The following MIPEP variants were observed in gnomAD, a reference collection of about 807,000 sequenced individuals.
MIPEP encodes mitochondrial intermediate peptidase.
A neutral mutation model predicts 90.3 loss-of-function variants in MIPEP; 79 were observed. That is an observed-to-expected ratio of 0.87 (90% CI 0.73 to 1.05). The LOEUF (loss-of-function observed/expected upper bound fraction) is 1.05, where lower values mean the gene tolerates loss of function less well. MIPEP is among the 50% of genes least tolerant of loss of function. MIPEP has a pLI of 0.00. For missense variants in MIPEP, 940 were observed against 905.6 expected (o/e 1.04, Z -0.49); for synonymous variants, 334 against 315.8 (o/e 1.06, Z -0.61).
chr13:23,864,753 G>A (rs67767475), intron 7 of MIPEP, among the ~76,000 whole-genome samples: 1,517 of 27,500 alleles, frequency 0.055, 25 homozygotes, highest in East Asian at 0.11. Flanking sequence ...AAAAAAAAAA[G>A]AGTTAATGGG....
rs1281226019 is a variant in MIPEP, at chr13:23,841,348, T to C, written c.1247A>G (p.Asp416Gly). ...GGAGGAGCTCACCAGTTTTCGGACA[T>C]CTTCGCTCCACACCTCTCCTTTTGC... ...QPAKGEVWSE[D>G]VRKLAVVHES... Residue 416 changes from aspartate (D) to glycine (G), a missense_variant, in exon 11 of 19, where the codon GAT becomes GGT. Asp to Gly is a moderately conservative substitution (Grantham distance 94). Transcript: ENST00000382172. The C allele has an allele frequency of 6.2e-7, 1 of 1,611,674 alleles. No homozygotes were observed.
At chr13:23,826,890 C>T (rs1370546812) in intron 14 of MIPEP, among the ~76,000 whole-genome samples, 1 of 152,146 alleles carries the variant, frequency 6.6e-6, no homozygotes, top group Non-Finnish European at 1.5e-5. Context: ...ATTCAATCAA[C>T]CATGAGTCAA....
intron 1 of MIPEP, chr13:23,888,092 G>A (rs1298384761): frequency 7.0e-6 from 3 of 430,650 alleles, no homozygotes; most frequent in Non-Finnish European, 4.6e-6. Context: ...TATCAGTGCC[G>A]AATATCATGA....
chr13:23,881,799 G>A lies in MIPEP; in HGVS notation c.364-12C>T. 1 of 1,605,128 alleles carries A rather than the reference G, an allele frequency of 6.2e-7. No homozygotes were observed. On this transcript the variant is annotated splice_polypyrimidine_tract_variant and intron_variant, in intron 2 of 18. Transcript: ENST00000382172. ...TTCACAAAATCAGCCTAATAAAGGGGAAAGACAAAACCAAAAGGGAATTTG... is the reference window on the plus strand; with the variant it reads ...TTCACAAAATCAGCCTAATAAAGGGAAAAGACAAAACCAAAAGGGAATTTG...
chr13:23,865,407 C>T (rs1162031750), intron 7 of MIPEP, among the ~76,000 whole-genome samples: 1 of 152,186 alleles, frequency 6.6e-6, no homozygotes, highest in African/African-American at 2.4e-5. Flanking sequence ...ACTGTCAATA[C>T]TTAACAAGTC....
intron 16 of MIPEP, among the ~76,000 whole-genome samples, chr13:23,785,172 A>G (rs1225228059): frequency 3.3e-5 from 5 of 152,228 alleles, no homozygotes; most frequent in Admixed American, 6.5e-5. Flanking sequence ...TCATGCTTCT[A>G]TAAAGGCACT....
chr13:23,789,304 A>G (rs1400097244), intron 16 of MIPEP, among the ~76,000 whole-genome samples: 6 of 152,194 alleles, frequency 3.9e-5, no homozygotes, highest in African/African-American at 1.4e-4. Context: ...GATTTCTTCC[A>G]TTTCTATTAC....
intron 14 of MIPEP, among the ~76,000 whole-genome samples, chr13:23,819,037 C>T (rs527963283): frequency 1.1e-4 from 17 of 152,286 alleles, no homozygotes; most frequent in African/African-American, 3.6e-4. Flanking sequence ...CCTTACACTT[C>T]GTGAATATGC....
At chr13:23,737,164 C>T (rs895836021) in intron 18 of MIPEP, among the ~76,000 whole-genome samples, 24 of 152,346 alleles carry the variant, frequency 1.6e-4, no homozygotes, top group African/African-American at 5.1e-4. Context: ...CAAGCAGTCA[C>T]GACTGTGCCC....
chr13:23,798,032 G>C (rs1359982661), intron 16 of MIPEP, among the ~76,000 whole-genome samples: 1 of 152,208 alleles, frequency 6.6e-6, no homozygotes, highest in Non-Finnish European at 1.5e-5. Flanking sequence ...TTTATTTACT[G>C]TTACATCCAT....
intron 10 of MIPEP, among the ~76,000 whole-genome samples, chr13:23,843,119 AG>A (rs1869377837): frequency 1.3e-5 from 2 of 150,402 alleles, no homozygotes; most frequent in Non-Finnish European, 1.5e-5. Flanking sequence ...AAAAAAAAAA[AG>A]GAATCAGACT....
intron 18 of MIPEP, among the ~76,000 whole-genome samples, chr13:23,743,189 T>C (rs1189543500): frequency 6.6e-6 from 1 of 152,248 alleles, no homozygotes; most frequent in Non-Finnish European, 1.5e-5. Flanking sequence ...AATAGTTTAA[T>C]GGCTCTTTTT....
At chr13:23,886,538 C>T in intron 1 of MIPEP, 32 bp from the exon 2 acceptor site, 1 of 1,488,236 alleles carries the variant, frequency 6.7e-7, no homozygotes, top group Non-Finnish European at 9.0e-7. Context: ...TGATTTATAA[C>T]CAAAATTCAA....
At chr13:23,875,157 G>A (rs1439978191) in intron 4 of MIPEP, among the ~76,000 whole-genome samples, 3 of 151,796 alleles carry the variant, frequency 2.0e-5, no homozygotes, top group Admixed American at 6.6e-5. Context: ...GGCTTGTCAT[G>A]TAAGAGCTTA....
intron 10 of MIPEP, among the ~76,000 whole-genome samples, chr13:23,856,002 G>C (rs1870031563): frequency 6.6e-6 from 1 of 152,176 alleles, no homozygotes; most frequent in Non-Finnish European, 1.5e-5. Flanking sequence ...TGCTTTTCAT[G>C]GTTACTGGTC....
chr13:23,812,323 G>C (rs1421106661), intron 14 of MIPEP, among the ~76,000 whole-genome samples: 1 of 152,076 alleles, frequency 6.6e-6, no homozygotes, highest in Non-Finnish European at 1.5e-5. Flanking sequence ...GATGGGAAGG[G>C]GAAAGAAGCA....
chr13:23,767,082 G>C (rs1225722659), intron 16 of MIPEP, among the ~76,000 whole-genome samples: 2 of 152,208 alleles, frequency 1.3e-5, no homozygotes, highest in African/African-American at 2.4e-5. Context: ...CAACCGGTAA[G>C]AAGCCTGTCC....
rs566879980 is a variant in MIPEP, at chr13:23,809,818, C to T, written c.1728+32G>A. On this transcript the variant is annotated intron_variant, in intron 15 of 18. Transcript: ENST00000382172. Reference sequence around the variant, plus strand: ...ATATATTTATTTGGGATAATGACTCCGGAAAACTTCAGAACAAAGGTACAT... The same window carrying T: ...ATATATTTATTTGGGATAATGACTCTGGAAAACTTCAGAACAAAGGTACAT... The T allele has an allele frequency of 5.5e-5, 79 of 1,432,194 alleles. 3 individuals carry two copies. The South Asian group carries it at 5.5e-4, about 10-fold the overall frequency. The allele number at this position is 1,432,194 out of a possible 1,614,324, so 88.7% of individuals were successfully genotyped here. A position where few individuals can be genotyped will look rare whatever the true frequency, so the allele number is the denominator to read the frequency against.
chr13:23,823,337 G>A (rs1463823646), intron 14 of MIPEP, among the ~76,000 whole-genome samples: 2 of 152,076 alleles, frequency 1.3e-5, no homozygotes, highest in Non-Finnish European at 2.9e-5. Context: ...TAGTATGAAG[G>A]TTCAATAAGG....
Sources: gnomAD v4.1 joint callset for allele counts (sites outside exome capture counted in the v4.1 genomes callset) on GRCh38, gnomAD v4.1.1 for gene constraint, MANE v1.5 for transcripts, NCBI Gene and HGNC (gene_info 2026-07-23, HGNC 2026-07-21) for gene names.